The following CERS3 variants were observed in gnomAD, a reference collection of about 807,000 sequenced individuals.
CERS3 encodes ceramide synthase 3, also known as LAG1 homolog, ceramide synthase 3.
Under a neutral mutation model 50.3 loss-of-function variants are expected in CERS3, and 33 were observed. The observed-to-expected ratio is 0.66, with a 90% confidence interval of 0.50 to 0.88. The LOEUF is 0.88. Ranked by LOEUF, CERS3 falls within the 40% of genes least tolerant of loss-of-function variation. CERS3 has a pLI of 0.00. For synonymous variants in CERS3, 176 were observed against 155.2 expected (o/e 1.13, Z -0.99); for missense variants, 470 against 460.3 (o/e 1.02, Z -0.19).
chr15:100,445,296 C>G (rs139228044), intron 11 of CERS3, among the ~76,000 whole-genome samples: 13,211 of 131,322 alleles, frequency 0.1, 893 homozygotes, highest in Admixed American at 0.18. Flanking sequence ...CTCATACGTG[C>G]CCTGCTCTTG....
intron 10 of CERS3, among the ~76,000 whole-genome samples, chr15:100,467,846 T>G (rs866963513): frequency 0.043 from 1,668 of 39,064 alleles, 72 homozygotes; most frequent in African/African-American, 0.096. Flanking sequence ...TGTATATATA[T>G]ATATATAGAT....
intron 11 of CERS3, among the ~76,000 whole-genome samples, chr15:100,439,996 C>T (rs778745132): frequency 6.6e-6 from 1 of 152,172 alleles, no homozygotes; most frequent in Non-Finnish European, 1.5e-5. Context: ...CACAATGAAA[C>T]TAGGGTATCT....
upstream of CERS3, among the ~76,000 whole-genome samples, chr15:100,532,573 C>CCAGAGT (rs2036963763): frequency 2.0e-5 from 3 of 151,794 alleles, no homozygotes; most frequent in South Asian, 6.3e-4. Context: ...CAAGACCAGA[C>CCAGAGT]TGGGCAAGAT....
chr15:100,517,237 A>C (rs1295400249), intron 2 of CERS3, among the ~76,000 whole-genome samples: 1 of 152,246 alleles, frequency 6.6e-6, no homozygotes. Flanking sequence ...ACCTAATGTA[A>C]TGCCTGGCAC....
At chr15:100,505,204 A>G (rs954830446) in intron 2 of CERS3, among the ~76,000 whole-genome samples, 2 of 152,208 alleles carry the variant, frequency 1.3e-5, no homozygotes, top group African/African-American at 4.8e-5. Context: ...TTCCCCCCCA[A>G]TATTATTATA....
chr15:100,448,287 A>C (rs2034018940), intron 11 of CERS3, among the ~76,000 whole-genome samples: 1 of 152,176 alleles, frequency 6.6e-6, no homozygotes, highest in Admixed American at 6.5e-5. Flanking sequence ...AGATCCTCTA[A>C]GAGAAGAGTA....
chr15:100,443,182 A>T (rs1290152930), intron 11 of CERS3, among the ~76,000 whole-genome samples: 2 of 150,382 alleles, frequency 1.3e-5, no homozygotes, highest in African/African-American at 2.4e-5. Flanking sequence ...ACCTTAACCC[A>T]CAAGTATAAG....
intron 2 of CERS3, among the ~76,000 whole-genome samples, chr15:100,514,594 C>T (rs537315792): frequency 6.6e-6 from 1 of 152,162 alleles, no homozygotes; most frequent in African/African-American, 2.4e-5. Context: ...TGTTTAAGCA[C>T]ATTTGAAATA....
chr15:100,417,551 TG>T lies in CERS3; in HGVS notation c.1000-14687del, dbSNP rs1447171355. Among the ~76,000 whole-genome samples, 7 of 151,828 alleles carry T rather than the reference TG, an allele frequency of 4.6e-5. No individual in the cohort carries two copies. The South Asian group carries it at 6.2e-4, about 14-fold the overall frequency. ...GCTTGCTTAGGTAAATAAAGCAGCC[TG>T]GAAGCTCGAACTGGGTGGAGCCCAC... On this transcript the variant is annotated intron_variant, in intron 11 of 11. Transcript: ENST00000679737.
chr15:100,539,949 G>A (rs1335819856), intron 1 of CERS3, among the ~76,000 whole-genome samples: 1 of 152,122 alleles, frequency 6.6e-6, no homozygotes, highest in African/African-American at 2.4e-5. Flanking sequence ...CCTCCTGCTT[G>A]CTATTACCAA....
intron 8 of CERS3, among the ~76,000 whole-genome samples, chr15:100,474,610 G>A (rs995872001): frequency 3.3e-5 from 5 of 152,098 alleles, no homozygotes; most frequent in African/African-American, 7.2e-5. Context: ...TCACCATGTT[G>A]GCCAGGATGG....
chr15:100,430,198 G>C (rs2033047325), intron 11 of CERS3, among the ~76,000 whole-genome samples: 1 of 151,882 alleles, frequency 6.6e-6, no homozygotes. Flanking sequence ...TGTAGTCCCA[G>C]GTACTCGGGA....
chr15:100,537,718 G>A (rs1008658961), intron 1 of CERS3, among the ~76,000 whole-genome samples: 8 of 152,150 alleles, frequency 5.3e-5, no homozygotes, highest in Non-Finnish European at 8.8e-5. Flanking sequence ...AATTCAAGAT[G>A]AGATTTGGGT....
chr15:100,480,460 T>G (rs2035264089), intron 5 of CERS3, among the ~76,000 whole-genome samples: 1 of 152,192 alleles, frequency 6.6e-6, no homozygotes, highest in African/African-American at 2.4e-5. Flanking sequence ...TTATCCCCAT[T>G]TAATTCCCAG....
chr15:100,497,446 A>G (rs74819455), intron 3 of CERS3, among the ~76,000 whole-genome samples: 1,682 of 152,184 alleles, frequency 0.011, 54 homozygotes, highest in Admixed American at 0.062. Flanking sequence ...ATTTTAGTGG[A>G]GAAAACATCC....
chr15:100,491,456 C>A (rs954403502), intron 3 of CERS3, among the ~76,000 whole-genome samples: 13 of 152,114 alleles, frequency 8.5e-5, no homozygotes, highest in African/African-American at 3.1e-4. Context: ...TACTATATTG[C>A]ATTCCCACCA....
chr15:100,520,516 C>T (rs1010261496), intron 2 of CERS3, among the ~76,000 whole-genome samples: 5 of 152,182 alleles, frequency 3.3e-5, no homozygotes, highest in African/African-American at 4.8e-5. Context: ...CTTCTCACAG[C>T]GAGCACTTTC....
intron 10 of CERS3, among the ~76,000 whole-genome samples, chr15:100,459,096 T>C (rs2034468200): frequency 6.6e-6 from 1 of 152,242 alleles, no homozygotes; most frequent in Non-Finnish European, 1.5e-5. Context: ...AATAGAACTT[T>C]ATCAACAAAA....
chr15:100,502,300 G>C (rs1408285886), intron 2 of CERS3, among the ~76,000 whole-genome samples: 7 of 140,960 alleles, frequency 5.0e-5, no homozygotes, highest in Non-Finnish European at 1.6e-5. Context: ...AATAAGGCAA[G>C]AATGGAATAC....
Sources: allele counts gnomAD v4.1 joint callset (sites outside exome capture counted in the v4.1 genomes callset), GRCh38; gene constraint gnomAD v4.1.1; transcripts MANE v1.5; gene names NCBI Gene and HGNC (gene_info 2026-07-23, HGNC 2026-07-21).